Variants in SH3GL2 observed in about 807,000 individuals in gnomAD.
SH3GL2 encodes the protein SH3 domain containing GRB2 like 2, endophilin A1.
SH3GL2 carries 24 observed loss-of-function variants against 46.0 expected under a neutral mutation model. That is an observed-to-expected ratio of 0.52 (90% CI 0.38 to 0.73). SH3GL2 has a LOEUF of 0.73. Ranked by LOEUF, SH3GL2 falls within the 30% of genes least tolerant of loss-of-function variation. SH3GL2 has a pLI of 0.00. For synonymous variants in SH3GL2, 196 were observed against 147.1 expected (o/e 1.33, Z -2.40); for missense variants, 413 against 424.2 (o/e 0.97, Z 0.23).
intron 1 of SH3GL2, among the ~76,000 whole-genome samples, chr9:17,586,342 A>T (rs954397160): frequency 4.6e-5 from 7 of 152,182 alleles, no homozygotes; most frequent in African/African-American, 1.4e-4. Context: ...ACACTGAAGG[A>T]CCTCTAGGCA....
chr9:17,608,314 A>C (rs146776728), intron 1 of SH3GL2, among the ~76,000 whole-genome samples: 1 of 151,686 alleles, frequency 6.6e-6, no homozygotes, highest in Non-Finnish European at 1.5e-5. Context: ...CACCTGGCTA[A>C]ATTTTGTACT....
chr9:17,599,021 G>T (rs567127653), intron 1 of SH3GL2, among the ~76,000 whole-genome samples: 7 of 152,078 alleles, frequency 4.6e-5, no homozygotes, highest in Non-Finnish European at 1.5e-5. Context: ...TGGTGATTTG[G>T]TATACAATAA....
At chr9:17,733,790 A>T (rs1415340929) in intron 1 of SH3GL2, among the ~76,000 whole-genome samples, 3 of 152,142 alleles carry the variant, frequency 2.0e-5, no homozygotes, top group Admixed American at 1.3e-4. Context: ...CTATGCAGCT[A>T]TAAAAAATGA....
At chr9:17,775,212 T>C (rs894827358) in intron 3 of SH3GL2, among the ~76,000 whole-genome samples, 1 of 152,218 alleles carries the variant, frequency 6.6e-6, no homozygotes, top group African/African-American at 2.4e-5. Context: ...TTGTCAATTT[T>C]GTTGATCTTT....
At chr9:17,649,009 G>A (rs1366589256) in intron 1 of SH3GL2, among the ~76,000 whole-genome samples, 1 of 152,192 alleles carries the variant, frequency 6.6e-6, no homozygotes, top group Non-Finnish European at 1.5e-5. Flanking sequence ...TGTTGTGTGT[G>A]AGTGCATGTG....
chr9:17,715,525 T>C (rs1821732108), intron 1 of SH3GL2, among the ~76,000 whole-genome samples: 1 of 151,042 alleles, frequency 6.6e-6, no homozygotes, highest in Non-Finnish European at 1.5e-5. Context: ...TTTCTCCATG[T>C]GTTTCATTTT....
At position 17,761,121 on chromosome 9, in the gene SH3GL2, A is replaced by G. The variant is rs867255797; in HGVS notation, c.115-316A>G. 2.6e-5 allele frequency among the ~76,000 whole-genome samples: 4 copies of G among 152,216 alleles called. No individual in the cohort carries two copies. In the East Asian group the frequency reaches 5.8e-4, roughly 22 times the overall value. On this transcript the variant is annotated intron_variant, in intron 2 of 8. Transcript: ENST00000380607. ...ATGCCTGACCCACTGTAGGCATCCA[A>G]TAAATGCCTCTGGGACAAAATATGT...
At chr9:17,628,438 G>T (rs527379169) in intron 1 of SH3GL2, among the ~76,000 whole-genome samples, 52 of 149,808 alleles carry the variant, frequency 3.5e-4, no homozygotes, top group Non-Finnish European at 6.9e-4. Context: ...GTGTGTGTGT[G>T]TGTGTGTGTG....
At chr9:17,665,573 C>T (rs752259985) in intron 1 of SH3GL2, among the ~76,000 whole-genome samples, 9 of 152,054 alleles carry the variant, frequency 5.9e-5, no homozygotes, top group Non-Finnish European at 1.2e-4. Context: ...TAAACTATTA[C>T]TGTCAACATT....
At chr9:17,697,097 G>T (rs10810829) in intron 1 of SH3GL2, among the ~76,000 whole-genome samples, 30,211 of 152,090 alleles carry the variant, frequency 0.2, 3,794 homozygotes, top group East Asian at 0.38. Context: ...TATTAGAGAG[G>T]CCACATGGGC....
intron 1 of SH3GL2, among the ~76,000 whole-genome samples, chr9:17,584,378 C>T (rs997996890): frequency 6.6e-6 from 1 of 152,110 alleles, no homozygotes. Context: ...TGGCAGGTGC[C>T]TGTAATCCCA....
chr9:17,699,489 G>T (rs2118190848), intron 1 of SH3GL2, among the ~76,000 whole-genome samples: 1 of 152,262 alleles, frequency 6.6e-6, no homozygotes, highest in South Asian at 2.1e-4. Flanking sequence ...CCACACGTGT[G>T]TACAGTCTAG....
intron 3 of SH3GL2, among the ~76,000 whole-genome samples, chr9:17,767,700 G>A (rs775462075): frequency 6.6e-6 from 1 of 152,206 alleles, no homozygotes. Context: ...GATGTGTGCT[G>A]AGTCTAGTAG....
In SH3GL2 at chr9:17,770,124, A is replaced by G. The variant is rs116884769; in HGVS notation, c.187+8615A>G. The stretch of plus-strand genomic sequence containing the variant: ...CAGTATCAGAGCTGTTCTCTGTGTA[A>G]TATCTATTTGGTGTCATGTACAATT... On this transcript the variant is annotated intron_variant, in intron 3 of 8. Coordinates refer to ENST00000380607, the MANE Select transcript of SH3GL2 (RefSeq NM_003026.5). Among the ~76,000 whole-genome samples, 86 of 152,286 alleles carry G rather than the reference A, an allele frequency of 5.6e-4. No individual in the cohort carries two copies. In the East Asian group the frequency reaches 0.013, roughly 23 times the overall value.
intron 1 of SH3GL2, among the ~76,000 whole-genome samples, chr9:17,650,987 T>C (rs962068154): frequency 6.6e-6 from 1 of 151,992 alleles, no homozygotes; most frequent in Non-Finnish European, 1.5e-5. Context: ...CTTTTCCTTG[T>C]GTGTGTGTGT....
intron 1 of SH3GL2, among the ~76,000 whole-genome samples, chr9:17,739,475 A>C (rs539466181): frequency 3.3e-5 from 5 of 152,098 alleles, no homozygotes; most frequent in Non-Finnish European, 7.4e-5. Flanking sequence ...GCAGTGGACT[A>C]TGAAAATGTA....
intron 1 of SH3GL2, among the ~76,000 whole-genome samples, chr9:17,614,295 G>GAAAAAAAAAAAAAA (rs3084628): frequency 2.0e-4 from 14 of 70,298 alleles, no homozygotes; most frequent in African/African-American, 6.9e-4. Flanking sequence ...CATGGTTTCT[G>GAAAAAAAAAAAAAA]AAAAAAAAAA....
chr9:17,610,622 C>T (rs573282576), intron 1 of SH3GL2, among the ~76,000 whole-genome samples: 1 of 152,070 alleles, frequency 6.6e-6, no homozygotes, highest in Non-Finnish European at 1.5e-5. Flanking sequence ...TGTAAGGATC[C>T]CTGGCTGAAT....
At chr9:17,682,721 C>T (rs987036937) in intron 1 of SH3GL2, among the ~76,000 whole-genome samples, 1 of 150,692 alleles carries the variant, frequency 6.6e-6, no homozygotes, top group African/African-American at 2.4e-5. Context: ...TTAAATAGGA[C>T]ACAAGATCTA....
Sources: allele counts gnomAD v4.1 joint callset (sites outside exome capture counted in the v4.1 genomes callset), GRCh38; gene constraint gnomAD v4.1.1; transcripts MANE v1.5; gene names NCBI Gene and HGNC (gene_info 2026-07-23, HGNC 2026-07-21).